Variants in DOCK5 observed in about 807,000 individuals in gnomAD.
DOCK5 encodes the protein dedicator of cytokinesis protein 5.
DOCK5 carries 142 observed loss-of-function variants against 251.8 expected under a neutral mutation model. The ratio of observed to expected loss-of-function variants is 0.56; its 90% CI spans 0.49 to 0.65. The LOEUF is 0.65. DOCK5 is among the 30% of genes least tolerant of loss of function. The probability of loss-of-function intolerance (pLI) is 0.00; values close to 1 mark genes in which losing one functional copy is unlikely to be tolerated. For synonymous variants in DOCK5, 842 were observed against 835.5 expected, an observed-to-expected ratio of 1.01 and a Z score of -0.13; for missense variants, 2,111 against 2,312.3, an observed-to-expected ratio of 0.91 and a Z score of 1.79.
intron 48 of DOCK5, among the ~76,000 whole-genome samples, chr8:25,404,123 C>T (rs555629927): frequency 1.3e-5 from 2 of 152,198 alleles, no homozygotes; most frequent in South Asian, 2.1e-4. Flanking sequence ...AGTAGCCCCA[C>T]CCCTAGAGCC....
At chr8:25,318,553 C>T (rs1329407046) in intron 14 of DOCK5, among the ~76,000 whole-genome samples, 1 of 136,208 alleles carries the variant, frequency 7.3e-6, no homozygotes, top group Non-Finnish European at 1.6e-5. Flanking sequence ...CCTCCACTTC[C>T]CTTCTTCTAT....
At position 25,401,001 on chromosome 8, in the gene DOCK5, C is replaced by G. The variant is rs780489865; in HGVS notation, c.4861C>G (p.Arg1621Gly). 6.2e-7 allele frequency: 1 copy of G among 1,613,894 alleles called. No individual in the cohort carries two copies. Among genetic ancestry groups the G allele is most frequent in the Non-Finnish European group, 8.5e-7 (1 of 1,179,898 alleles). ...AGAGCAGCTGAAGCCGCTGCATGAG[C>G]GGTTGTCTTCTTGCTTCCGGGAACT... ...LTEQLKPLHERLSSCFRELKE... is the reference protein window; with the variant it reads ...LTEQLKPLHEGLSSCFRELKE... Residue 1621 changes from arginine to glycine, a missense_variant, in exon 47 of 52, where the codon CGG becomes GGG. By Grantham distance (125) the Arg-to-Gly change is moderately radical. Coordinates refer to ENST00000276440, the MANE Select transcript of DOCK5 (RefSeq NM_024940.8).
intron 21 of DOCK5, among the ~76,000 whole-genome samples, chr8:25,335,817 T>C (rs1805792368): frequency 6.6e-6 from 1 of 152,182 alleles, no homozygotes; most frequent in South Asian, 2.1e-4. Flanking sequence ...TATTGATGGA[T>C]CCCAATGGGT....
chr8:25,220,273 C>T (rs540990002), intron 1 of DOCK5, among the ~76,000 whole-genome samples: 10 of 151,938 alleles, frequency 6.6e-5, no homozygotes, highest in Middle Eastern at 3.4e-3. Context: ...GGTCCTTGGC[C>T]GCTTGTTCCT....
At chr8:25,190,534 G>A (rs1000452040) in intron 1 of DOCK5, among the ~76,000 whole-genome samples, 7 of 152,212 alleles carry the variant, frequency 4.6e-5, no homozygotes, top group South Asian at 2.1e-4. Context: ...GGCTACAGTC[G>A]TAATTAAAGT....
At chr8:25,264,652 C>T (rs919455699) in intron 2 of DOCK5, among the ~76,000 whole-genome samples, 3 of 151,702 alleles carry the variant, frequency 2.0e-5, no homozygotes, top group Non-Finnish European at 4.4e-5. Context: ...GTGGTGAAAC[C>T]CTGTCTCTAC....
rs73673874 is a variant in DOCK5 at position 25,251,481 on chromosome 8, A to T, written c.127+7724A>T. ...TATTTCTTCTATATAGAAGAAGTCTAGTTTTTGAATGCACTTTAATCAAAA... is the reference window on the plus strand; with the variant it reads ...TATTTCTTCTATATAGAAGAAGTCTTGTTTTTGAATGCACTTTAATCAAAA... On this transcript the variant is annotated intron_variant, in intron 2 of 51. Transcript: ENST00000276440. 3.1e-3 allele frequency among the ~76,000 whole-genome samples: 470 copies of T among 152,326 alleles called. 2 individuals are homozygous for T. The highest frequency in any genetic ancestry group is 0.011 in the African/African-American group (442 of 41,566).
chr8:25,362,548 C>G lies in DOCK5; in HGVS notation c.2950-499C>G, dbSNP rs190150219. ...ATGGCACAATCTTGGCTCACTGCAACCTCTGCCTCCTGGGTTCAAGCGATT... is the reference window on the plus strand; with the variant it reads ...ATGGCACAATCTTGGCTCACTGCAAGCTCTGCCTCCTGGGTTCAAGCGATT... On this transcript the variant is annotated intron_variant, in intron 28 of 51. Coordinates refer to ENST00000276440, the MANE Select transcript of DOCK5 (RefSeq NM_024940.8). Among the ~76,000 whole-genome samples the G allele has an allele frequency of 6.9e-3, 1,022 of 147,140 alleles. 17 individuals are homozygous for G. The highest frequency in any genetic ancestry group is 5.4e-3 in the Non-Finnish European group (365 of 67,442).
At chr8:25,374,354 A>G (rs559361565) in intron 36 of DOCK5, among the ~76,000 whole-genome samples, 2 of 152,176 alleles carry the variant, frequency 1.3e-5, no homozygotes, top group South Asian at 2.1e-4. Flanking sequence ...AGATACGAAA[A>G]TTAGCCGGGC....
chr8:25,309,029 A>C (rs1263756660), intron 12 of DOCK5, 104 bp downstream of exon 12: 25 of 1,455,600 alleles, frequency 1.7e-5, no homozygotes, highest in African/African-American at 1.4e-5. Flanking sequence ...CTGATACAAA[A>C]CAGCCTCTGC....
chr8:25,341,139 G>GA (rs905378246), intron 23 of DOCK5, among the ~76,000 whole-genome samples, 151 bp downstream of exon 23: 6 of 151,560 alleles, frequency 4.0e-5, no homozygotes, highest in South Asian at 2.1e-4. Context: ...GAAAATAAAG[G>GA]AAAAAAAATC....
intron 1 of DOCK5, among the ~76,000 whole-genome samples, chr8:25,210,122 ATCTATCTAT>A (rs1802102554): frequency 6.1e-5 from 3 of 49,530 alleles, no homozygotes; most frequent in African/African-American, 1.3e-4. Context: ...CTATCTATCT[ATCTATCTAT>A]CTATCGAGTA....
chr8:25,204,201 C>A (rs1185184571), intron 1 of DOCK5, among the ~76,000 whole-genome samples: 1 of 152,084 alleles, frequency 6.6e-6, no homozygotes, highest in South Asian at 2.1e-4. Flanking sequence ...CAGGAATTAT[C>A]GACTTCATAG....
intron 13 of DOCK5, among the ~76,000 whole-genome samples, chr8:25,313,677 G>C (rs1419647973): frequency 2.0e-5 from 3 of 152,196 alleles, no homozygotes; most frequent in Non-Finnish European, 4.4e-5. Flanking sequence ...GGTGACAGCA[G>C]GGATGGCTTC....
intron 51 of DOCK5, among the ~76,000 whole-genome samples, chr8:25,410,970 TGTGCGCGC>T (rs1801617493): frequency 5.4e-5 from 1 of 18,610 alleles, no homozygotes; most frequent in African/African-American, 1.6e-4. Context: ...TGTGTGTGTG[TGTGCGCGC>T]GCGCGCACGC....
intron 28 of DOCK5, among the ~76,000 whole-genome samples, chr8:25,360,694 G>A (rs1306272580): frequency 6.6e-6 from 1 of 152,160 alleles, no homozygotes; most frequent in Non-Finnish European, 1.5e-5. Context: ...AGGTAGGCAT[G>A]TAGCTAATGC....
At chr8:25,206,741 A>T (rs974129633) in intron 1 of DOCK5, among the ~76,000 whole-genome samples, 2 of 152,190 alleles carry the variant, frequency 1.3e-5, no homozygotes, top group Admixed American at 6.5e-5. Context: ...GTTTGACGCA[A>T]AGAAGTAAGT....
chr8:25,257,694 G>A (rs544880803), intron 2 of DOCK5, among the ~76,000 whole-genome samples: 59 of 152,060 alleles, frequency 3.9e-4, no homozygotes, highest in Admixed American at 1.0e-3. Flanking sequence ...AGGGATTGGG[G>A]TTATACTCTC....
intron 10 of DOCK5, among the ~76,000 whole-genome samples, chr8:25,303,252 C>T (rs374682473): frequency 2.6e-5 from 4 of 152,152 alleles, no homozygotes; most frequent in African/African-American, 9.7e-5. Context: ...CCTCACCTGG[C>T]CCACGCTCCT....
Sources: allele counts gnomAD v4.1 joint callset (sites outside exome capture counted in the v4.1 genomes callset), GRCh38; gene constraint gnomAD v4.1.1; transcripts MANE v1.5; gene names NCBI Gene and HGNC (gene_info 2026-07-23, HGNC 2026-07-21).